The following CCDC77 variants were observed in gnomAD, a reference collection of about 807,000 sequenced individuals.
CCDC77 encodes coiled-coil domain-containing protein 77.
In CCDC77, 56 loss-of-function variants were observed where a neutral mutation model predicts 66.8. The ratio of observed to expected loss-of-function variants is 0.84; its 90% CI spans 0.68 to 1.05. The LOEUF is 1.05. Among genes scored for constraint, CCDC77 ranks in the 50% least tolerant of loss-of-function variants. The probability of loss-of-function intolerance (pLI) is 0.00; values close to 1 mark genes in which losing one functional copy is unlikely to be tolerated. For synonymous variants in CCDC77, 196 were observed against 195.2 expected (o/e 1.00, Z -0.03); for missense variants, 570 against 576.8 (o/e 0.99, Z 0.12).
chr12:389,415 A>G lies in CCDC77; in HGVS notation c.-184A>G, dbSNP rs1264410750. 4 of 510,798 alleles carry G rather than the reference A, an allele frequency of 7.8e-6. No individual in the cohort carries two copies. In the Admixed American group the frequency reaches 9.5e-5, roughly 12 times the overall value. 31.6% of individuals were successfully genotyped at this position (510,798 alleles called of 1,614,324 possible). On this transcript the variant is annotated 5_prime_UTR_variant, in exon 1 of 12. Transcript: ENST00000422000. ...CCTTCTTCTTCTCTTCCCCGGCAGC[A>G]CAGTGTGGCTGTTTGTCTCCTTGCC...
rs1220603169 is a variant in CCDC77 at position 416,334 on chromosome 12, GGTGTGTGGGGGTGT to G, written c.271-2152_271-2139del. 3.3e-3 allele frequency among the ~76,000 whole-genome samples: 167 copies of G among 50,734 alleles called. 14 individuals are homozygous for G. The highest frequency in any genetic ancestry group is 0.026 in the East Asian group (58 of 2,196). The allele number at this position is 50,734 out of a possible 152,430, so 33.3% of individuals were successfully genotyped here. A position where few individuals can be genotyped will look rare whatever the true frequency, so the allele number is the denominator to read the frequency against. On this transcript the variant is annotated intron_variant, in intron 4 of 12. Transcript: ENST00000239830. ...GTGTGTGTGTGTGTGTGAGTCTGTG[GGTGTGTGGGGGTGT>G]GTGTGTGTGTGTGTGTGTGTGTGTG... is the stretch of plus-strand genomic sequence containing the variant.
chr12:414,244 A>G (rs891439594), intron 4 of CCDC77, among the ~76,000 whole-genome samples: 6 of 151,716 alleles, frequency 4.0e-5, no homozygotes, highest in African/African-American at 1.2e-4. Context: ...GGTGCCCACC[A>G]CCACACCTAA....
rs1222371178 is a variant in CCDC77, at chr12:441,878, G to A, written c.1425G>A (p.Lys475=). The change falls in exon 13 of 13, where the codon AAG becomes AAA. Residue 475 remains lysine (K), a synonymous_variant. Transcript: ENST00000239830. ...HKIQGELKNL[K]SKVFGLENEL... Reference sequence around the variant, plus strand: ...TACAAGGAGAACTGAAGAATCTTAAGTCGAAAGTGTTTGGTCTGGAGAATG... The same window carrying A: ...TACAAGGAGAACTGAAGAATCTTAAATCGAAAGTGTTTGGTCTGGAGAATG... 3.1e-6 allele frequency: 5 copies of A among 1,613,662 alleles called. No individual in the cohort carries two copies. The African/African-American group carries it at 6.7e-5, about 22-fold the overall frequency.
rs187929631 is a variant in CCDC77, at chr12:426,013, G to A, written c.414-2756G>A. 7.9e-5 allele frequency among the ~76,000 whole-genome samples: 12 copies of A among 152,162 alleles called. No individual in the cohort carries two copies. The East Asian group carries it at 2.1e-3, about 27-fold the overall frequency. ...CCGAGTAGCTGGGACTACAGCGCACGCTATCACGCCCAGCTAATTTTTGTA... is the reference window on the plus strand; with the variant it reads ...CCGAGTAGCTGGGACTACAGCGCACACTATCACGCCCAGCTAATTTTTGTA... On this transcript the variant is annotated intron_variant, in intron 5 of 12. Transcript: ENST00000239830.
rs1464421154 is a variant in CCDC77 at position 411,885 on chromosome 12, G to A, written c.177G>A (p.Leu59=). 15 of 1,613,840 alleles carry A rather than the reference G, an allele frequency of 9.3e-6. No homozygotes were observed. The highest frequency in any genetic ancestry group is 1.3e-5 in the Non-Finnish European group (15 of 1,179,998). ...LAKLHPSKEL[L]EYYQKKMAEC... is the part of the protein sequence containing the mutation. ...AACTCCATCCTTCTAAGGAGCTCCT[G>A]GAATATTATCAAAAGAAGATGGCTG... Residue 59 remains leucine (L), a synonymous_variant, in exon 4 of 13, where the codon CTG becomes CTA. Transcript: ENST00000239830.
chr12:410,267 G>GTTTTTTTTTTTTTTTTTTTTTTT (rs5795915), intron 3 of CCDC77, among the ~76,000 whole-genome samples: 1 of 148,704 alleles, frequency 6.7e-6, no homozygotes, highest in Non-Finnish European at 1.5e-5. Context: ...TACTATTTTT[G>GTTTTTTTTTTTTTTTTTTTTTTT]TTTTTTTTTT....
chr12:418,973 A>G (rs920691634), intron 5 of CCDC77: 1 of 227,246 alleles, frequency 4.4e-6, no homozygotes, highest in Non-Finnish European at 8.8e-6. Flanking sequence ...TGTTGGGATT[A>G]CAAGCGTGAA....
chr12:399,468 C>G (rs1411535007), upstream of CCDC77, among the ~76,000 whole-genome samples: 1 of 152,176 alleles, frequency 6.6e-6, no homozygotes, highest in Non-Finnish European at 1.5e-5. Flanking sequence ...CCGTGCCCGG[C>G]CTGAAATATA....
At chr12:441,057 C>A in intron 12 of CCDC77, 61 bp downstream of exon 12, 3 of 1,541,064 alleles carry the variant, frequency 1.9e-6, no homozygotes, top group South Asian at 2.2e-5. Flanking sequence ...GGAACATGGT[C>A]ACGAGGGCCC....
chr12:413,811 A>G lies in CCDC77; in HGVS notation c.270+1833A>G, dbSNP rs1250989223. Among the ~76,000 whole-genome samples, 5 of 151,164 alleles carry G rather than the reference A, an allele frequency of 3.3e-5. No individual in the cohort carries two copies. The East Asian group carries it at 5.9e-4, about 18-fold the overall frequency. ...CCTGGCTAATTTTTTGTATTTTAGT[A>G]GAGGCAGGGTTTCACTGTGTTGCCC... On this transcript the variant is annotated intron_variant, in intron 4 of 12. Coordinates refer to ENST00000239830, the MANE Select transcript of CCDC77 (RefSeq NM_032358.4).
chr12:416,148 C>T (rs1945251938), intron 4 of CCDC77, among the ~76,000 whole-genome samples: 1 of 151,268 alleles, frequency 6.6e-6, no homozygotes, highest in Admixed American at 6.7e-5. Flanking sequence ...GCTCTGTTGT[C>T]TAGGATGGTC....
chr12:428,731 A>G (rs1945584882), intron 5 of CCDC77, 38 bp from the exon 6 acceptor site: 1 of 1,411,332 alleles, frequency 7.1e-7, no homozygotes, highest in African/African-American at 1.5e-5. Context: ...TACTTGGGAC[A>G]TTTAATAATA....
At chr12:430,221 G>A (rs1039607791) in intron 6 of CCDC77, among the ~76,000 whole-genome samples, 11 of 152,000 alleles carry the variant, frequency 7.2e-5, no homozygotes, top group Non-Finnish European at 1.2e-4. Context: ...TTGAACTCCC[G>A]ACCTCAGGTG....
chr12:436,149 G>T (rs1482785175), intron 9 of CCDC77, among the ~76,000 whole-genome samples: 3 of 124,108 alleles, frequency 2.4e-5, no homozygotes, highest in Non-Finnish European at 4.7e-5. Flanking sequence ...ACAGAGTCTC[G>T]CTGTGTCGTC....
At position 389,553 on chromosome 12, in the gene CCDC77, GCGAGGCGGGGCGAGGCGCAA is replaced by G. The variant is rs1272637275; in HGVS notation, c.-113+86_-113+105del. 976 of 268,888 alleles carry G rather than the reference GCGAGGCGGGGCGAGGCGCAA, an allele frequency of 3.6e-3. 23 individuals carry two copies. The highest frequency in any genetic ancestry group is 0.02 in the African/African-American group (888 of 43,606). 16.7% of individuals were successfully genotyped at this position (268,888 alleles called of 1,614,324 possible). ...GTACGGATTGAGGGAAGCCGACGGG[GCGAGGCGGGGCGAGGCGCAA>G]CGAGGCGGGGCGAGGCGCGACGCGA... is the stretch of plus-strand genomic sequence containing the variant. On this transcript the variant is annotated intron_variant, in intron 1 of 11. Transcript: ENST00000422000.
chr12:397,264 A>G (rs1460032450), upstream of CCDC77, among the ~76,000 whole-genome samples: 5 of 152,198 alleles, frequency 3.3e-5, no homozygotes, highest in Non-Finnish European at 5.9e-5. Context: ...GTGAAAGGTA[A>G]TAAGACACAT....
chr12:427,151 A>G (rs1945550620), intron 5 of CCDC77, among the ~76,000 whole-genome samples: 1 of 151,930 alleles, frequency 6.6e-6, no homozygotes, highest in Non-Finnish European at 1.5e-5. Flanking sequence ...AGGCTGAAGC[A>G]GGAGAATTGC....
chr12:436,936 G>C (rs73590309), intron 9 of CCDC77: 4,144 of 168,332 alleles, frequency 0.025, 190 homozygotes, highest in African/African-American at 0.094. Flanking sequence ...AAGTGAGAGA[G>C]ACCCTTGTGG....
chr12:398,770 T>A (rs1385677157), upstream of CCDC77, among the ~76,000 whole-genome samples: 1 of 151,734 alleles, frequency 6.6e-6, no homozygotes, highest in Non-Finnish European at 1.5e-5. Flanking sequence ...TTTTACTTTT[T>A]TTTTTTTGAG....
Sources: allele counts gnomAD v4.1 joint callset (sites outside exome capture counted in the v4.1 genomes callset), GRCh38; gene constraint gnomAD v4.1.1; transcripts MANE v1.5; gene names NCBI Gene and HGNC (gene_info 2026-07-23, HGNC 2026-07-21).